Variants in MROH2B observed in about 807,000 individuals in gnomAD.
MROH2B encodes maestro heat-like repeat-containing protein family member 2B.
In MROH2B, 177 loss-of-function variants were observed where a neutral mutation model predicts 208.6. The observed-to-expected ratio is 0.85, with a 90% CI of 0.75 to 0.96. The LOEUF (loss-of-function observed/expected upper bound fraction) is 0.96. Among genes scored for constraint, MROH2B ranks in the 40% least tolerant of loss-of-function variants. The pLI is 0.00. For synonymous variants in MROH2B, 728 were observed against 659.0 expected (o/e 1.10, Z -1.60); for missense variants, 2,002 against 1,878.7 (o/e 1.07, Z -1.21).
intron 37 of MROH2B, among the ~76,000 whole-genome samples, chr5:41,002,604 C>G (rs935733165): frequency 7.2e-5 from 11 of 152,190 alleles, no homozygotes; most frequent in Non-Finnish European, 7.3e-5. Context: ...AATGGCATTA[C>G]TGGAGAACAA....
intron 2 of MROH2B, among the ~76,000 whole-genome samples, chr5:41,069,359 A>T (rs1743910031): frequency 6.6e-6 from 1 of 152,140 alleles, no homozygotes; most frequent in Non-Finnish European, 1.5e-5. Context: ...AGCTTTTGGG[A>T]TTTTTGTAAC....
chr5:41,059,501 C>T (rs997863425), intron 6 of MROH2B, among the ~76,000 whole-genome samples: 1 of 152,038 alleles, frequency 6.6e-6, no homozygotes, highest in Non-Finnish European at 1.5e-5. Flanking sequence ...TTTTTTGTAT[C>T]AGCTACATTT....
At position 41,045,795 on chromosome 5, in the gene MROH2B, T is replaced by C. The variant is rs558095990; in HGVS notation, c.1787A>G (p.Gln596Arg). ...SDVAWTIQLT[Q>R]DFKQQMGSYS... is the part of the protein sequence containing the mutation. ...ACTGCCCATTTGCTGTTTGAAATCC[T>C]GAGTCAGCTGAATGGTCCAGGCCAC... The change falls in exon 18 of 42, where the codon CAG (glutamine) becomes CGG (arginine). Residue 596 changes from glutamine (Q) to arginine (R), a missense_variant. Coordinates refer to ENST00000399564, the MANE Select transcript of MROH2B (RefSeq NM_173489.5). 3 of 1,613,622 alleles carry C rather than the reference T, an allele frequency of 1.9e-6. No individual in the cohort carries two copies. The South Asian group carries it at 3.3e-5, about 18-fold the overall frequency.
chr5:41,011,836 T>C (rs1399125515), intron 30 of MROH2B, among the ~76,000 whole-genome samples: 1 of 151,972 alleles, frequency 6.6e-6, no homozygotes, highest in African/African-American at 2.4e-5. Context: ...CGCAGCTAAG[T>C]TTTGTATTTT....
Position 41,015,035 on chromosome 5 carries a change from C to A in MROH2B, c.2982+346G>T, listed in dbSNP as rs528110292. On this transcript the variant is annotated intron_variant, in intron 29 of 41. Coordinates refer to ENST00000399564, the MANE Select transcript of MROH2B (RefSeq NM_173489.5). ...TTGATTGGCCAGTCCTCACAACAAC[C>A]ACAAAATGGTCTTTTGTTTTTGTTT... Among the ~76,000 whole-genome samples the A allele has an allele frequency of 3.1e-4, 47 of 152,308 alleles. No individual in the cohort carries two copies. In the Middle Eastern group the frequency reaches 0.01, roughly 33 times the overall value.
At chr5:41,025,899 C>T (rs1742341026) in intron 24 of MROH2B, among the ~76,000 whole-genome samples, 1 of 152,150 alleles carries the variant, frequency 6.6e-6, no homozygotes, top group Admixed American at 6.5e-5. Context: ...TATCAATAAA[C>T]ATAATCCATC....
chr5:41,012,777 A>G (rs1418614937), intron 29 of MROH2B, 42 bp from the exon 30 acceptor site: 1 of 1,608,232 alleles, frequency 6.2e-7, no homozygotes, highest in Non-Finnish European at 8.5e-7. Context: ...CAACCACCCC[A>G]TTTTATATCT....
chr5:41,018,966 T>A lies in MROH2B; in HGVS notation c.2494A>T (p.Asn832Tyr). The A allele has an allele frequency of 6.2e-7, 1 of 1,613,830 alleles. No homozygotes were observed. The highest frequency in any genetic ancestry group is 8.5e-7 in the Non-Finnish European group (1 of 1,179,846). The change falls in exon 25 of 42, where the codon AAT (asparagine) becomes TAT (tyrosine). Residue 832 changes from asparagine to tyrosine, a missense_variant. Transcript: ENST00000399564. ...GGAAGGGGCAGCAGCCTCCGAATATTCTCCTCAAGAATGTTAAGGTGGTCT... is the reference window on the plus strand; with the variant it reads ...GGAAGGGGCAGCAGCCTCCGAATATACTCCTCAAGAATGTTAAGGTGGTCT... ...LQDHLNILEE[N>Y]IRRLLPLPPL...
intron 29 of MROH2B, among the ~76,000 whole-genome samples, chr5:41,015,041 A>G (rs1245850230): frequency 1.3e-5 from 2 of 152,174 alleles, no homozygotes; most frequent in Non-Finnish European, 2.9e-5. Context: ...CAACCACAAA[A>G]TGGTCTTTTG....
intron 34 of MROH2B, among the ~76,000 whole-genome samples, chr5:41,006,891 C>A (rs758420930): frequency 6.6e-4 from 101 of 152,054 alleles, no homozygotes; most frequent in Non-Finnish European, 1.2e-3. Context: ...GTGTACACTC[C>A]TCAGGTGATG....
At chr5:41,005,417 C>CCG in intron 35 of MROH2B, 114 bp downstream of exon 35, 1 of 194,542 alleles carries the variant, frequency 5.1e-6, no homozygotes, top group Non-Finnish European at 1.1e-5. Context: ...TATGAAACCC[C>CCG]CCCCCCCCTT....
rs373057013 is a variant in MROH2B, at chr5:41,004,569, A to G, written c.4012-41T>C. 3.8e-6 allele frequency: 6 copies of G among 1,581,522 alleles called. No homozygotes were observed. In the African/African-American group the frequency reaches 4.1e-5, roughly 11 times the overall value. ...ACCTCTTAATCTTGAAAATTGTTCT[A>G]TGCGTATCTGGAAGAGGGTAGGAGT... On this transcript the variant is annotated intron_variant, in intron 36 of 41. Coordinates refer to ENST00000399564, the MANE Select transcript of MROH2B (RefSeq NM_173489.5).
At chr5:41,065,922 A>C (rs1317697233) in intron 3 of MROH2B, among the ~76,000 whole-genome samples, 1 of 152,182 alleles carries the variant, frequency 6.6e-6, no homozygotes, top group Admixed American at 6.5e-5. Flanking sequence ...ACAGGCTGTT[A>C]CAAAACCATA....
chr5:41,012,512 G>C, intron 30 of MROH2B, 71 bp downstream of exon 30: 11 of 1,510,970 alleles, frequency 7.3e-6, no homozygotes, highest in African/African-American at 1.4e-5. Flanking sequence ...GACAAACAGA[G>C]AAAGTGGCTG....
chr5:41,019,260 ATCAC>A (rs963034709), intron 24 of MROH2B, among the ~76,000 whole-genome samples: 2 of 152,194 alleles, frequency 1.3e-5, no homozygotes, highest in African/African-American at 4.8e-5. Flanking sequence ...TGAACAAATC[ATCAC>A]TCACTTTGTG....
chr5:41,016,224 TA>T (rs1741943937), intron 28 of MROH2B, among the ~76,000 whole-genome samples: 1 of 152,136 alleles, frequency 6.6e-6, no homozygotes, highest in Non-Finnish European at 1.5e-5. Flanking sequence ...GATGGGTATT[TA>T]ATTTAGTATC....
intron 24 of MROH2B, among the ~76,000 whole-genome samples, chr5:41,022,323 C>T (rs1005500523): frequency 2.0e-5 from 3 of 152,188 alleles, no homozygotes; most frequent in Non-Finnish European, 4.4e-5. Context: ...TGACAGATGG[C>T]ACCTGGAAAA....
intron 29 of MROH2B, among the ~76,000 whole-genome samples, chr5:41,012,967 A>T (rs1359699579): frequency 6.6e-6 from 1 of 152,234 alleles, no homozygotes; most frequent in Non-Finnish European, 1.5e-5. Flanking sequence ...ATATTTATTG[A>T]ATCCTAAGCC....
chr5:41,030,509 G>C, intron 24 of MROH2B, among the ~76,000 whole-genome samples: 1 of 151,998 alleles, frequency 6.6e-6, no homozygotes, highest in East Asian at 1.9e-4. Flanking sequence ...CAAATTCAAG[G>C]AAGGGAAGAA....
Sources: gnomAD v4.1 joint callset for allele counts (sites outside exome capture counted in the v4.1 genomes callset) on GRCh38, gnomAD v4.1.1 for gene constraint, MANE v1.5 for transcripts, NCBI Gene and HGNC (gene_info 2026-07-23, HGNC 2026-07-21) for gene names.